Variants in FOXP1 observed in about 807,000 individuals in gnomAD.
The protein encoded by FOXP1 is forkhead box protein P1.
A neutral mutation model predicts 98.2 loss-of-function variants in FOXP1; 15 were observed. The ratio of observed to expected loss-of-function variants is 0.15; its 90% confidence interval spans 0.10 to 0.24. The LOEUF is 0.24. FOXP1 is among the 10% of genes least tolerant of loss of function. The pLI, the probability that FOXP1 is intolerant of heterozygous loss-of-function variation, is 1.00. For missense variants in FOXP1, 633 were observed against 848.5 expected, an observed-to-expected ratio of 0.75 and a Z score of 3.15; for synonymous variants, 371 against 314.5, an observed-to-expected ratio of 1.18 and a Z score of -1.90.
At chr3:71,468,376 G>T (rs11708920) in intron 3 of FOXP1, among the ~76,000 whole-genome samples, 62,932 of 151,778 alleles carry the variant, frequency 0.41, 13,903 homozygotes, top group Non-Finnish European at 0.48. Context: ...TTTCTCCTTG[G>T]TGTGACTGTC....
intron 5 of FOXP1, among the ~76,000 whole-genome samples, chr3:71,298,940 T>C (rs2073604239): frequency 6.6e-6 from 1 of 152,206 alleles, no homozygotes; most frequent in South Asian, 2.1e-4. Flanking sequence ...GTAACCTGTT[T>C]TTAGACAGAC....
At chr3:71,534,787 T>C (rs1422408624) in intron 2 of FOXP1, among the ~76,000 whole-genome samples, 1 of 152,336 alleles carries the variant, frequency 6.6e-6, no homozygotes. Flanking sequence ...ATATTCCAAC[T>C]GTCACTTTTC....
intron 14 of FOXP1, among the ~76,000 whole-genome samples, chr3:70,979,916 G>A (rs1402640053): frequency 6.6e-6 from 1 of 151,992 alleles, no homozygotes; most frequent in Non-Finnish European, 1.5e-5. Context: ...TGTAAACATG[G>A]CGCTGGAAAC....
intron 10 of FOXP1, among the ~76,000 whole-genome samples, chr3:71,044,876 T>C (rs1420023419): frequency 6.6e-6 from 1 of 152,126 alleles, no homozygotes; most frequent in Non-Finnish European, 1.5e-5. Flanking sequence ...TCCTTGTACA[T>C]CCATACCCAG....
chr3:71,463,113 A>T (rs2088308752), intron 3 of FOXP1, among the ~76,000 whole-genome samples: 1 of 152,140 alleles, frequency 6.6e-6, no homozygotes, highest in Admixed American at 6.5e-5. Flanking sequence ...CTGTAATTCC[A>T]GCACTTTGGG....
intron 5 of FOXP1, among the ~76,000 whole-genome samples, chr3:71,272,938 G>A (rs1162069929): frequency 6.6e-6 from 1 of 152,154 alleles, no homozygotes; most frequent in African/African-American, 2.4e-5. Flanking sequence ...GGTTTGGAAG[G>A]TGCAGCATCT....
rs58267668 is a variant in FOXP1, at chr3:71,411,278, C to CGTGTGTGT, written c.-167-52042_-167-52035dup. 3.5e-3 allele frequency among the ~76,000 whole-genome samples: 497 copies of CGTGTGTGT among 141,782 alleles called. 3 individuals are homozygous for CGTGTGTGT. The highest frequency in any genetic ancestry group is 0.014 in the Middle Eastern group (4 of 278). The allele number at this position is 141,782 out of a possible 152,430, so 93.0% of individuals were successfully genotyped here. A position where few individuals can be genotyped will look rare whatever the true frequency, so the allele number is the denominator to read the frequency against. On this transcript the variant is annotated intron_variant, in intron 3 of 20. Coordinates refer to ENST00000649528, the MANE Select transcript of FOXP1 (RefSeq NM_001349338.3). ...GGACTTAAACCAGAGGCTGAATGGG[C>CGTGTGTGT]GTGTGTGTGTGTGTGTGTGTGTGTG... is the stretch of plus-strand genomic sequence containing the variant.
rs747818299 is a variant in FOXP1 at position 70,958,196 on chromosome 3, C to CAA, written c.*1049_*1050dup. 0.019 allele frequency: 6,138 copies of CAA among 315,414 alleles called. 348 individuals are homozygous for CAA. Among genetic ancestry groups the CAA allele is most frequent in the African/African-American group, 0.14 (5,413 of 37,984 alleles). The allele number at this position is 315,414 out of a possible 1,614,324, so 19.5% of individuals were successfully genotyped here. On this transcript the variant is annotated 3_prime_UTR_variant, in exon 21 of 21. Coordinates refer to ENST00000649528, the MANE Select transcript of FOXP1 (RefSeq NM_001349338.3). Reference sequence around the variant, plus strand: ...TGGTGGCATTTATTAATGGTTGCTGCAAAAAAAAAAAAAGAAAAGAAAAGA... The same window carrying CAA: ...TGGTGGCATTTATTAATGGTTGCTGCAAAAAAAAAAAAAAAGAAAAGAAAAGA...
intron 3 of FOXP1, among the ~76,000 whole-genome samples, chr3:71,418,754 T>C (rs2083404735): frequency 1.3e-5 from 2 of 152,234 alleles, no homozygotes; most frequent in Non-Finnish European, 1.5e-5. Flanking sequence ...CAGTTAGCCA[T>C]TTGAGACCAA....
chr3:71,264,260 T>C (rs1322461287), intron 5 of FOXP1, among the ~76,000 whole-genome samples: 1 of 152,126 alleles, frequency 6.6e-6, no homozygotes, highest in Non-Finnish European at 1.5e-5. Flanking sequence ...AGAAACCAAA[T>C]ATCCTGAAGA....
rs886058826 is a variant in FOXP1, at chr3:70,955,830, G to GCACACACACACA, written c.*3416_*3417insTGTGTGTGTGTG. On this transcript the variant is annotated 3_prime_UTR_variant, in exon 21 of 21. Coordinates refer to ENST00000649528, the MANE Select transcript of FOXP1 (RefSeq NM_001349338.3). ...AAAACAGATTAACACACACGCACGC[G>GCACACACACACA]CGCACACACACACACACACACACAC... 4.4e-5 allele frequency: 9 copies of GCACACACACACA among 205,806 alleles called. No homozygotes were observed. The East Asian group carries it at 5.6e-4, about 13-fold the overall frequency. The allele number at this position is 205,806 out of a possible 1,614,324, so 12.7% of individuals were successfully genotyped here.
intron 3 of FOXP1, among the ~76,000 whole-genome samples, chr3:71,481,851 C>T (rs1031339863): frequency 1.3e-5 from 2 of 152,144 alleles, no homozygotes; most frequent in Non-Finnish European, 2.9e-5. Flanking sequence ...AAACCTTCTT[C>T]GCACACCTTT....
intron 19 of FOXP1, chr3:70,969,068 T>C (rs1302245322): frequency 1.3e-5 from 2 of 151,216 alleles, no homozygotes; most frequent in African/African-American, 2.4e-5. Flanking sequence ...TGACAAAGCA[T>C]ACTAATTGAA....
At chr3:71,166,877 A>C (rs1266860902) in intron 6 of FOXP1, among the ~76,000 whole-genome samples, 1 of 152,024 alleles carries the variant, frequency 6.6e-6, no homozygotes, top group Non-Finnish European at 1.5e-5. Context: ...ATCCTTCTGA[A>C]TTGTGTGCAT....
chr3:71,560,065 C>A (rs2046422404), intron 2 of FOXP1, among the ~76,000 whole-genome samples: 1 of 152,164 alleles, frequency 6.6e-6, no homozygotes, highest in Non-Finnish European at 1.5e-5. Flanking sequence ...TGGAAAGAGG[C>A]AGCCACCCCC....
At chr3:71,123,147 T>A (rs147571298) in intron 6 of FOXP1, among the ~76,000 whole-genome samples, 1 of 152,242 alleles carries the variant, frequency 6.6e-6, no homozygotes, top group African/African-American at 2.4e-5. Context: ...TCTTCTTTCA[T>A]CTAAATTCAA....
chr3:71,345,857 C>CTAAT (rs2077308000), intron 4 of FOXP1, among the ~76,000 whole-genome samples: 1 of 37,698 alleles, frequency 2.7e-5, no homozygotes, highest in Non-Finnish European at 5.0e-5. Flanking sequence ...GGTTTGAAAT[C>CTAAT]AATAAAGTTT....
intron 6 of FOXP1, among the ~76,000 whole-genome samples, chr3:71,115,470 G>A (rs1209759014): frequency 1.3e-5 from 2 of 151,638 alleles, no homozygotes; most frequent in Non-Finnish European, 2.9e-5. Flanking sequence ...CTGAGTAGCT[G>A]GGACTACAGA....
intron 3 of FOXP1, among the ~76,000 whole-genome samples, chr3:71,456,404 C>A (rs1442708887): frequency 6.6e-6 from 1 of 152,184 alleles, no homozygotes; most frequent in African/African-American, 2.4e-5. Context: ...TTGTACATCT[C>A]ATTTTTCAGC....
Sources: allele counts gnomAD v4.1 joint callset (sites outside exome capture counted in the v4.1 genomes callset), GRCh38; gene constraint gnomAD v4.1.1; transcripts MANE v1.5; gene names NCBI Gene and HGNC (gene_info 2026-07-23, HGNC 2026-07-21).